HEATR4: variants seen among roughly 807,000 people sequenced by gnomAD.
The protein encoded by HEATR4 is HEAT repeat containing 4.
Under a neutral mutation model 108.8 loss-of-function variants are expected in HEATR4, and 95 were observed. The ratio of observed to expected loss-of-function variants is 0.87; its 90% CI spans 0.74 to 1.04. HEATR4 has a LOEUF of 1.04. Among genes scored for constraint, HEATR4 ranks in the 50% least tolerant of loss-of-function variants. HEATR4 has a pLI of 0.00. For missense variants in HEATR4, 1,152 were observed against 1,253.8 expected (o/e 0.92, Z 1.23); for synonymous variants, 443 against 459.4 (o/e 0.96, Z 0.46).
chr14:73,521,872 T>C (rs1887994132), intron 3 of HEATR4, among the ~76,000 whole-genome samples: 1 of 152,218 alleles, frequency 6.6e-6, no homozygotes, highest in Admixed American at 6.5e-5. Context: ...AGCAGTCTGA[T>C]GGCAAAGTCT....
At chr14:73,481,505 A>C (rs977235019) in intron 17 of HEATR4, among the ~76,000 whole-genome samples, 1 of 152,132 alleles carries the variant, frequency 6.6e-6, no homozygotes, top group Non-Finnish European at 1.5e-5. Flanking sequence ...ATACTGTATA[A>C]TTCCAATTAT....
At chr14:73,481,022 AAAAGAAAGAAAG>A (rs967563112) in intron 17 of HEATR4, 2 of 152,176 alleles carry the variant, frequency 1.3e-5, no homozygotes, top group Middle Eastern at 3.4e-3. Flanking sequence ...TCTCAAAAAA[AAAAGAAAGAAAG>A]AAAGAAAGAA....
Position 73,519,027 on chromosome 14 carries a change from T to C in HEATR4, c.1206A>G (p.Glu402=), listed in dbSNP as rs945960929. Residue 402 remains glutamate, a synonymous_variant, in exon 5 of 18, where the codon GAA becomes GAG. Transcript: ENST00000553558. ...PEKWSAQAIP[E]ASYRPVQGAL... ...CCCTGTTAGCTTCCTGCTTACATGC[T>C]TCAGGAATTGCCTGGGCACTCCACT... is the stretch of plus-strand genomic sequence containing the variant. The C allele has an allele frequency of 8.7e-6, 14 of 1,612,514 alleles. No individual in the cohort carries two copies. Among genetic ancestry groups the C allele is most frequent in the Non-Finnish European group, 1.2e-5 (14 of 1,179,288 alleles).
chr14:73,583,528 A>C, the HEATR4 span, among the ~76,000 whole-genome samples: 2 of 133,260 alleles, frequency 1.5e-5, no homozygotes, highest in Non-Finnish European at 3.4e-5. Flanking sequence ...CTCACTCACT[A>C]GGAATGTCAG....
chr14:73,593,913 C>A, the HEATR4 span: 1 of 1,602,254 alleles, frequency 6.2e-7, no homozygotes, highest in East Asian at 2.2e-5. Flanking sequence ...AGGTTCTCCT[C>A]ATGTCCTTTA....
the HEATR4 span, among the ~76,000 whole-genome samples, chr14:73,610,290 CTTT>C: frequency 7.1e-6 from 1 of 140,430 alleles, no homozygotes; most frequent in African/African-American, 2.6e-5. Context: ...TCAAGTGTCG[CTTT>C]TTTTTTTTTT....
At chr14:73,590,508 A>T in the HEATR4 span, among the ~76,000 whole-genome samples, 1 of 152,160 alleles carries the variant, frequency 6.6e-6, no homozygotes, top group Non-Finnish European at 1.5e-5. Flanking sequence ...GGTCGATGGG[A>T]CTGGGCGTTA....
At chr14:73,578,009 C>T in the HEATR4 span, among the ~76,000 whole-genome samples, 1 of 151,810 alleles carries the variant, frequency 6.6e-6, no homozygotes, top group African/African-American at 2.4e-5. Flanking sequence ...CGCCACCATG[C>T]CCAGCTAAAT....
chr14:73,510,862 T>C (rs1457883918), intron 7 of HEATR4, among the ~76,000 whole-genome samples: 1 of 152,180 alleles, frequency 6.6e-6, no homozygotes, highest in Admixed American at 6.5e-5. Flanking sequence ...AAAAACTCCA[T>C]AGACACAATT....
intron 17 of HEATR4, among the ~76,000 whole-genome samples, chr14:73,481,675 A>G (rs1566815112): frequency 6.6e-6 from 1 of 151,590 alleles, no homozygotes; most frequent in Non-Finnish European, 1.5e-5. Flanking sequence ...CCCCGTCTCT[A>G]CTAAAAATAC....
intron 1 of HEATR4, among the ~76,000 whole-genome samples, chr14:73,535,974 G>T (rs1262784676): frequency 8.6e-6 from 1 of 115,800 alleles, no homozygotes; most frequent in African/African-American, 2.8e-5. Flanking sequence ...TACGGTTCTT[G>T]TAAGTATTAA....
the HEATR4 span, among the ~76,000 whole-genome samples, chr14:73,602,629 G>A: frequency 6.6e-5 from 10 of 152,036 alleles, no homozygotes; most frequent in African/African-American, 1.4e-4. Context: ...CGTTCTCCCC[G>A]CTTTGTTCAG....
At chr14:73,575,435 G>A in the HEATR4 span, 2 of 1,384,710 alleles carry the variant, frequency 1.4e-6, no homozygotes, top group Admixed American at 2.5e-5. Context: ...TGGCTCAGGT[G>A]GATGCTTGGA....
chr14:73,528,004 C>T (rs577714620), intron 2 of HEATR4, among the ~76,000 whole-genome samples: 13 of 151,092 alleles, frequency 8.6e-5, no homozygotes, highest in Non-Finnish European at 1.8e-4. Flanking sequence ...TTAGGATGTC[C>T]CCAGATAAAT....
chr14:73,619,757 A>T, the HEATR4 span: 1 of 1,612,620 alleles, frequency 6.2e-7, no homozygotes, highest in East Asian at 2.2e-5. Context: ...TCAAAGGCAC[A>T]GGTAGATGCC....
chr14:73,563,370 C>T (rs574015499), upstream of HEATR4, among the ~76,000 whole-genome samples: 10 of 151,696 alleles, frequency 6.6e-5, no homozygotes, highest in East Asian at 5.8e-4. Context: ...TGAGGCAGGC[C>T]GATCACTTGG....
At chr14:73,616,965 C>G in the HEATR4 span, 2 of 629,430 alleles carry the variant, frequency 3.2e-6, no homozygotes, top group Non-Finnish European at 5.7e-6. Context: ...AACTAAAGCT[C>G]CCTGTGATTT....
At chr14:73,529,218 A>C (rs1336103418) in intron 2 of HEATR4, 1 of 152,020 alleles carries the variant, frequency 6.6e-6, no homozygotes, top group Non-Finnish European at 1.5e-5. Flanking sequence ...AGCCAGGCGC[A>C]GTGGTACATG....
chr14:73,612,933 G>T, the HEATR4 span: 6 of 1,332,592 alleles, frequency 4.5e-6, no homozygotes, highest in African/African-American at 1.5e-5. Context: ...CGGCTGCTGT[G>T]CCTGGCGCAG....
Sources: gnomAD v4.1 joint callset for allele counts (sites outside exome capture counted in the v4.1 genomes callset) on GRCh38, gnomAD v4.1.1 for gene constraint, MANE v1.5 for transcripts, NCBI Gene and HGNC (gene_info 2026-07-23, HGNC 2026-07-21) for gene names.